Variants in SP3 observed in about 807,000 individuals in gnomAD.
SP3 encodes the protein Sp3 transcription factor, also known as transcription factor Sp3.
In SP3, 10 loss-of-function variants were observed where a neutral mutation model predicts 70.3. The ratio of observed to expected loss-of-function variants is 0.14; its 90% CI spans 0.09 to 0.24. The LOEUF (loss-of-function observed/expected upper bound fraction) is 0.24. SP3 is among the 10% of genes least tolerant of loss of function. SP3 has a pLI of 1.00. For synonymous variants in SP3, 402 were observed against 333.5 expected (o/e 1.21, Z -2.24); for missense variants, 825 against 914.6 (o/e 0.90, Z 1.26).
At chr2:173,960,881 CAGG>C (rs971530098) in intron 3 of SP3, among the ~76,000 whole-genome samples, 6 of 151,974 alleles carry the variant, frequency 3.9e-5, no homozygotes, top group Admixed American at 3.3e-4. Context: ...GAGGCTGAGG[CAGG>C]AGAATGCTGT....
intron 5 of SP3, among the ~76,000 whole-genome samples, chr2:173,917,305 T>C (rs1465441045): frequency 1.5e-5 from 2 of 137,214 alleles, no homozygotes; most frequent in African/African-American, 2.6e-5. Flanking sequence ...CCAAAATATG[T>C]CAAAAAACAA....
At position 173,955,633 on chromosome 2, in the gene SP3, G is replaced by A. The variant is rs755501817; in HGVS notation, c.879C>T (p.Asp293=). The A allele has an allele frequency of 4.9e-5, 79 of 1,614,018 alleles. No homozygotes were observed. The South Asian group carries it at 4.9e-4, about 10-fold the overall frequency. The change falls in exon 4 of 7, where the codon GAC becomes GAT. Residue 293 remains aspartate, a synonymous_variant. Transcript: ENST00000310015. ...CTTGTCCTGTGTTTATCAAATGTCC[G>A]TCGGCATTAATGCCTGCAGTCATTG... ...SQTMTAGINA[D]GHLINTGQAM...
intron 4 of SP3, among the ~76,000 whole-genome samples, chr2:173,944,261 T>C (rs1332692595): frequency 1.3e-5 from 2 of 152,314 alleles, no homozygotes; most frequent in Non-Finnish European, 2.9e-5. Flanking sequence ...AGGCCAGGCA[T>C]GGTGGCTCAT....
At chr2:173,920,033 C>A (rs1160409943) in intron 4 of SP3, among the ~76,000 whole-genome samples, 2 of 152,148 alleles carry the variant, frequency 1.3e-5, no homozygotes, top group Admixed American at 1.3e-4. Flanking sequence ...ACATTAACAA[C>A]AACTTACATG....
chr2:173,942,538 T>A (rs531247081), intron 4 of SP3, among the ~76,000 whole-genome samples: 2 of 152,248 alleles, frequency 1.3e-5, no homozygotes, highest in East Asian at 3.9e-4. Flanking sequence ...TGCACTCCAG[T>A]CTGGGTGACT....
intron 4 of SP3, among the ~76,000 whole-genome samples, chr2:173,923,331 A>C (rs1316439066): frequency 1.3e-5 from 2 of 152,218 alleles, no homozygotes; most frequent in Middle Eastern, 3.4e-3. Flanking sequence ...AGAATTGAAG[A>C]GAAAAAAACA....
chr2:173,935,704 A>T (rs2105477010), intron 4 of SP3, among the ~76,000 whole-genome samples: 1 of 152,320 alleles, frequency 6.6e-6, no homozygotes, highest in South Asian at 2.1e-4. Context: ...CATCTCCTAC[A>T]GAATTCCATT....
At chr2:173,951,054 G>C (rs1317317035) in intron 4 of SP3, among the ~76,000 whole-genome samples, 1 of 152,122 alleles carries the variant, frequency 6.6e-6, no homozygotes, top group African/African-American at 2.4e-5. Flanking sequence ...AATATACACA[G>C]TGTTTCTATT....
intron 4 of SP3, 141 bp from the exon 5 acceptor site, chr2:173,918,926 TTCC>T: frequency 1.5e-6 from 1 of 670,886 alleles, no homozygotes; most frequent in South Asian, 2.3e-5. Flanking sequence ...AGTTATTTTG[TTCC>T]TCATCTAACT....
Position 173,964,488 on chromosome 2 carries a change from C to CACCGCCGCCGCCGCT in SP3, c.58_72dup (p.Ser20_Gly24dup), listed in dbSNP as rs1430764981. ...TACTCGCCGTGGCCGCCGCCGCCGC[C>CACCGCCGCCGCCGCT]ACCGCCGCCGCCGCTATCCACGTCC... On this transcript the variant is annotated inframe_insertion, in exon 2 of 7. Coordinates refer to ENST00000310015, the MANE Select transcript of SP3 (RefSeq NM_003111.5). The CACCGCCGCCGCCGCT allele has an allele frequency of 4.4e-5, 31 of 704,912 alleles. No homozygotes were observed. The highest frequency in any genetic ancestry group is 1.8e-4 in the Admixed American group (9 of 49,474). 43.7% of individuals were successfully genotyped at this position (704,912 alleles called of 1,614,324 possible).
intron 4 of SP3, among the ~76,000 whole-genome samples, chr2:173,951,971 TAAG>T (rs565787273): frequency 1.6e-3 from 238 of 152,310 alleles, no homozygotes; most frequent in Non-Finnish European, 2.7e-3. Flanking sequence ...AGAAAAATAT[TAAG>T]AAGGTATCAA....
intron 4 of SP3, among the ~76,000 whole-genome samples, chr2:173,925,085 G>A (rs1421935283): frequency 1.3e-5 from 2 of 152,032 alleles, no homozygotes; most frequent in African/African-American, 2.4e-5. Flanking sequence ...ACCGAGTTTC[G>A]CCATGTTGGT....
rs1381384350 is a variant in SP3 at position 173,909,288 on chromosome 2, A to G, written c.*653T>C. ...TATTAACAAGACATTATTTTGGCAA[A>G]TTAAATCTTAAACATGGCTTTTCAA... On this transcript the variant is annotated 3_prime_UTR_variant, in exon 7 of 7. Coordinates refer to ENST00000310015, the MANE Select transcript of SP3 (RefSeq NM_003111.5). 2 of 152,498 alleles carry G rather than the reference A, an allele frequency of 1.3e-5. No individual in the cohort carries two copies. Among genetic ancestry groups the G allele is most frequent in the African/African-American group, 4.8e-5 (2 of 41,460 alleles). 9.4% of individuals were successfully genotyped at this position (152,498 alleles called of 1,614,324 possible).
chr2:173,964,217 A>AGGCGG (rs1366056220), intron 2 of SP3, 188 bp downstream of exon 2: 26 of 456,170 alleles, frequency 5.7e-5, no homozygotes, highest in African/African-American at 3.6e-4. Flanking sequence ...CAGGCGGGCG[A>AGGCGG]GGCGGGGCGG....
chr2:173,948,505 T>C lies in SP3; in HGVS notation c.1639+6368A>G, dbSNP rs544623341. 2.2e-3 allele frequency among the ~76,000 whole-genome samples: 328 copies of C among 152,238 alleles called. 7 individuals carry two copies. In the South Asian group the frequency reaches 0.037, roughly 17 times the overall value. ...AGGTTTCAGGATCCACTGGGGGTCT[T>C]TGAACTATCCCTCACTGATAAGGGG... On this transcript the variant is annotated intron_variant, in intron 4 of 6. Transcript: ENST00000310015.
chr2:173,938,408 G>A (rs906617811), intron 4 of SP3, among the ~76,000 whole-genome samples: 3 of 141,286 alleles, frequency 2.1e-5, no homozygotes, highest in Non-Finnish European at 4.5e-5. Flanking sequence ...GCAGTGAGCC[G>A]AGATAGTGCC....
At chr2:173,961,475 A>T (rs1691074564) in intron 3 of SP3, among the ~76,000 whole-genome samples, 1 of 152,230 alleles carries the variant, frequency 6.6e-6, no homozygotes, top group Non-Finnish European at 1.5e-5. Flanking sequence ...ATCCCAGAAG[A>T]GAAAATGGAC....
intron 4 of SP3, among the ~76,000 whole-genome samples, chr2:173,945,732 G>C (rs558478544): frequency 3.8e-4 from 58 of 152,198 alleles, no homozygotes; most frequent in Non-Finnish European, 7.2e-4. Context: ...CCCATTAAAG[G>C]ATCACGGGGA....
intron 4 of SP3, among the ~76,000 whole-genome samples, chr2:173,953,651 C>A (rs574772673): frequency 6.6e-6 from 1 of 152,000 alleles, no homozygotes; most frequent in Non-Finnish European, 1.5e-5. Flanking sequence ...GGAGCTAATC[C>A]CAGTTACTCG....
Sources: gnomAD v4.1 joint callset for allele counts (sites outside exome capture counted in the v4.1 genomes callset) on GRCh38, gnomAD v4.1.1 for gene constraint, MANE v1.5 for transcripts, NCBI Gene and HGNC (gene_info 2026-07-23, HGNC 2026-07-21) for gene names.